The following ACBD6 variants were observed in gnomAD, a reference collection of about 807,000 sequenced individuals.
ACBD6 encodes the protein acyl-CoA binding domain containing 6.
Under a neutral mutation model 37.2 loss-of-function variants are expected in ACBD6, and 28 were observed. The ratio of observed to expected loss-of-function variants is 0.75; its 90% CI spans 0.56 to 1.03. The LOEUF (loss-of-function observed/expected upper bound fraction) is 1.03. Ranked by LOEUF, ACBD6 falls within the 50% of genes least tolerant of loss-of-function variation. The pLI, the probability that ACBD6 is intolerant of heterozygous loss-of-function variation, is 0.00. For synonymous variants in ACBD6, 113 were observed against 126.8 expected, an observed-to-expected ratio of 0.89 and a Z score of 0.73; for missense variants, 340 against 337.4, an observed-to-expected ratio of 1.01 and a Z score of -0.06.
chr1:180,369,123 T>C lies in ACBD6; in HGVS notation c.663+28393A>G, dbSNP rs1367114987. On this transcript the variant is annotated intron_variant, in intron 6 of 7. Transcript: ENST00000367595. ...TCTCTGTAGGAATTCACAGAACAGT[T>C]TGAAACTACCACGCTGGTAGGCAGG... 7.2e-5 allele frequency among the ~76,000 whole-genome samples: 11 copies of C among 152,316 alleles called. No homozygotes were observed. The East Asian group carries it at 1.3e-3, about 19-fold the overall frequency.
chr1:180,373,485 T>A (rs923875629), intron 6 of ACBD6, among the ~76,000 whole-genome samples: 1 of 152,166 alleles, frequency 6.6e-6, no homozygotes, highest in Non-Finnish European at 1.5e-5. Context: ...GGCTAATGCA[T>A]AAAATGCAGA....
At chr1:180,413,538 A>C in intron 4 of ACBD6, 67 bp from the exon 5 acceptor site, 1 of 1,237,428 alleles carries the variant, frequency 8.1e-7, no homozygotes, top group African/African-American at 1.5e-5. Context: ...TTTTCAACAC[A>C]ATCTGTTTGC....
chr1:180,475,056 C>T (rs778898932), intron 3 of ACBD6, among the ~76,000 whole-genome samples: 5 of 152,140 alleles, frequency 3.3e-5, no homozygotes, highest in Non-Finnish European at 7.4e-5. Context: ...ATTTAAAAAT[C>T]CATTAAGCCA....
At chr1:180,501,487 T>A (rs1196165988) in intron 1 of ACBD6, among the ~76,000 whole-genome samples, 2 of 152,100 alleles carry the variant, frequency 1.3e-5, no homozygotes, top group Non-Finnish European at 2.9e-5. Context: ...GCCACCACGC[T>A]CGGCTAACTT....
chr1:180,418,591 AAG>A (rs889193890), intron 4 of ACBD6, among the ~76,000 whole-genome samples: 2 of 152,136 alleles, frequency 1.3e-5, no homozygotes, highest in Non-Finnish European at 2.9e-5. Flanking sequence ...AGAAAAAAAA[AAG>A]ACTTATCTGG....
At position 180,449,662 on chromosome 1, in the gene ACBD6, C is replaced by T. The variant is rs557595207; in HGVS notation, c.385-19400G>A. On this transcript the variant is annotated intron_variant, in intron 3 of 7. Coordinates refer to ENST00000367595, the MANE Select transcript of ACBD6 (RefSeq NM_032360.4). ...ACCTCAAGTGATCTGCCCTCCTCGG[C>T]CTCCCAAACCAAACACCGCATGTTC... 2.6e-5 allele frequency among the ~76,000 whole-genome samples: 4 copies of T among 151,986 alleles called. No individual in the cohort carries two copies. In the East Asian group the frequency reaches 7.8e-4, roughly 29 times the overall value.
rs201304371 is a variant in ACBD6 at position 180,424,252 on chromosome 1, TA to T, written c.467+5927del. 7.1e-3 allele frequency among the ~76,000 whole-genome samples: 1,075 copies of T among 152,272 alleles called. 9 individuals are homozygous for T. The highest frequency in any genetic ancestry group is 0.024 in the African/African-American group (1,004 of 41,564). ...TAAAAAAAAGAATATTAATAGCATC[TA>T]TATTTAATAGGGTCATCCTAAAGAT... On this transcript the variant is annotated intron_variant, in intron 4 of 7. Coordinates refer to ENST00000367595, the MANE Select transcript of ACBD6 (RefSeq NM_032360.4).
At chr1:180,380,577 C>G (rs1653602882) in intron 6 of ACBD6, among the ~76,000 whole-genome samples, 1 of 151,576 alleles carries the variant, frequency 6.6e-6, no homozygotes, top group South Asian at 2.1e-4. Flanking sequence ...TTAAGGGATA[C>G]TCAGTATAAT....
intron 3 of ACBD6, among the ~76,000 whole-genome samples, chr1:180,487,122 G>C (rs1246418823): frequency 6.6e-6 from 1 of 152,092 alleles, no homozygotes; most frequent in Non-Finnish European, 1.5e-5. Context: ...ATCAGCATTT[G>C]AAGAATAATT....
rs140199562 is a variant in ACBD6, at chr1:180,465,554, C to G, written c.384+26715G>C. On this transcript the variant is annotated intron_variant, in intron 3 of 7. Coordinates refer to ENST00000367595, the MANE Select transcript of ACBD6 (RefSeq NM_032360.4). ...TCAGAGAAAAGGAAACCCTTATACA[C>G]TGTTGGTGGGAGTGTAAATTAGTTC... Among the ~76,000 whole-genome samples the G allele has an allele frequency of 3.9e-3, 591 of 152,264 alleles. 5 individuals carry two copies. The highest frequency in any genetic ancestry group is 0.014 in the African/African-American group (561 of 41,544).
At chr1:180,485,877 A>C (rs1383090959) in intron 3 of ACBD6, among the ~76,000 whole-genome samples, 1 of 152,126 alleles carries the variant, frequency 6.6e-6, no homozygotes, top group Non-Finnish European at 1.5e-5. Context: ...CCCACTGAAT[A>C]AAAGAAAAAT....
At chr1:180,500,052 T>C (rs1651893634) in intron 1 of ACBD6, among the ~76,000 whole-genome samples, 1 of 151,620 alleles carries the variant, frequency 6.6e-6, no homozygotes, top group African/African-American at 2.4e-5. Context: ...GCTTCAAGGC[T>C]GCAGTGAGCT....
intron 6 of ACBD6, among the ~76,000 whole-genome samples, chr1:180,330,467 CA>C (rs962647853): frequency 1.3e-5 from 2 of 151,340 alleles, no homozygotes; most frequent in African/African-American, 4.9e-5. Flanking sequence ...ACCAAAATCA[CA>C]AAAAAAACCT....
At chr1:180,301,676 C>A (rs779701898) in intron 7 of ACBD6, among the ~76,000 whole-genome samples, 2 of 151,958 alleles carry the variant, frequency 1.3e-5, no homozygotes, top group African/African-American at 4.8e-5. Flanking sequence ...TTTGTATGGG[C>A]CCCCCTTGTG....
At chr1:180,437,162 G>T (rs1649073559) in intron 3 of ACBD6, among the ~76,000 whole-genome samples, 1 of 152,094 alleles carries the variant, frequency 6.6e-6, no homozygotes, top group African/African-American at 2.4e-5. Flanking sequence ...TGTATCCTTT[G>T]TAACATCCTT....
At chr1:180,328,386 T>C (rs550423160) in intron 6 of ACBD6, among the ~76,000 whole-genome samples, 2 of 152,010 alleles carry the variant, frequency 1.3e-5, no homozygotes, top group South Asian at 2.1e-4. Context: ...CACACATATA[T>C]ATTCCAAGTG....
chr1:180,285,087 A>G (rs1649441374), downstream of ACBD6, among the ~76,000 whole-genome samples: 1 of 152,096 alleles, frequency 6.6e-6, no homozygotes, highest in African/African-American at 2.4e-5. Flanking sequence ...AGTGAGCTAT[A>G]ATGGTGCCAC....
At chr1:180,413,340 T>C (rs746567985) in intron 5 of ACBD6, 26 bp downstream of exon 5, 6 of 1,577,106 alleles carry the variant, frequency 3.8e-6, no homozygotes, top group Non-Finnish European at 5.2e-6. Flanking sequence ...CATAGGAAAA[T>C]AATTAACAGG....
chr1:180,445,469 A>T (rs1649438887), intron 3 of ACBD6, among the ~76,000 whole-genome samples: 1 of 152,264 alleles, frequency 6.6e-6, no homozygotes, highest in Non-Finnish European at 1.5e-5. Flanking sequence ...AAACGAGTCT[A>T]TAAAGCTGGC....
Sources: gnomAD v4.1 joint callset for allele counts (sites outside exome capture counted in the v4.1 genomes callset) on GRCh38, gnomAD v4.1.1 for gene constraint, MANE v1.5 for transcripts, NCBI Gene and HGNC (gene_info 2026-07-23, HGNC 2026-07-21) for gene names.